The following CNTN4 variants were observed in gnomAD, a reference collection of about 807,000 sequenced individuals.
The protein encoded by CNTN4 is contactin 4, also known as contactin-4.
Under a neutral mutation model 122.5 loss-of-function variants are expected in CNTN4, and 77 were observed. That is an observed-to-expected ratio of 0.63 (90% CI 0.52 to 0.76). The LOEUF is 0.76. CNTN4 is among the 30% of genes least tolerant of loss of function. The pLI, the probability that CNTN4 is intolerant of heterozygous loss-of-function variation, is 0.00. For missense variants in CNTN4, 1,256 were observed against 1,259.1 expected, an observed-to-expected ratio of 1.00 and a Z score of 0.04; for synonymous variants, 512 against 447.0, an observed-to-expected ratio of 1.15 and a Z score of -1.83.
chr3:2,145,956 T>TTC (rs1317944319), intron 2 of CNTN4, among the ~76,000 whole-genome samples: 1 of 151,788 alleles, frequency 6.6e-6, no homozygotes, highest in African/African-American at 2.4e-5. Flanking sequence ...AGTTTTTTTT[T>TTC]TTTAAATGAA....
At chr3:2,258,772 C>G (rs1215733608) in intron 2 of CNTN4, among the ~76,000 whole-genome samples, 1 of 151,994 alleles carries the variant, frequency 6.6e-6, no homozygotes, top group African/African-American at 2.4e-5. Context: ...GAGTTCCTAA[C>G]CTTTTTATAT....
intron 6 of CNTN4, among the ~76,000 whole-genome samples, chr3:2,815,104 C>A (rs1447898087): frequency 1.3e-5 from 2 of 152,178 alleles, no homozygotes; most frequent in Non-Finnish European, 1.5e-5. Context: ...GGATTAAGGA[C>A]TTAAACCTAA....
chr3:2,654,015 C>T (rs904444159), intron 4 of CNTN4, among the ~76,000 whole-genome samples: 2 of 152,140 alleles, frequency 1.3e-5, no homozygotes, highest in Non-Finnish European at 2.9e-5. Flanking sequence ...GTTGTTAATT[C>T]TTTGTTTTGT....
chr3:2,170,479 T>C (rs1011589867), intron 2 of CNTN4, among the ~76,000 whole-genome samples: 6 of 152,314 alleles, frequency 3.9e-5, no homozygotes, highest in African/African-American at 1.4e-4. Flanking sequence ...AAGTGCTTGA[T>C]TGAAAAGTAA....
intron 2 of CNTN4, among the ~76,000 whole-genome samples, chr3:2,157,970 A>G (rs1404855034): frequency 2.0e-5 from 3 of 152,232 alleles, no homozygotes. Context: ...AGGAAGGACA[A>G]TTGCATTTGT....
At chr3:2,195,772 C>A (rs2037807003) in intron 2 of CNTN4, among the ~76,000 whole-genome samples, 1 of 152,286 alleles carries the variant, frequency 6.6e-6, no homozygotes, top group Admixed American at 6.5e-5. Context: ...GCTTGGCTTC[C>A]TAATATTTTA....
intron 2 of CNTN4, among the ~76,000 whole-genome samples, chr3:2,154,940 G>A (rs1038984348): frequency 1.3e-5 from 2 of 152,196 alleles, no homozygotes; most frequent in African/African-American, 4.8e-5. Flanking sequence ...AAATAGATTT[G>A]ATAGATGGCA....
rs1290205827 is a variant in CNTN4, at chr3:2,745,657, T to G, written c.318T>G (p.Phe106Leu). The change falls in exon 6 of 25, where the codon TTT (phenylalanine) becomes TTG (leucine). Residue 106 changes from phenylalanine to leucine, a missense_variant. Coordinates refer to ENST00000418658, the MANE Select transcript of CNTN4 (RefSeq NM_175607.3). ...ACCAGTGCACAGCGACAAACTCGTTTGGAACAATTGTTAGCAGAGAAGCAA... is the reference window on the plus strand; with the variant it reads ...ACCAGTGCACAGCGACAAACTCGTTGGGAACAATTGTTAGCAGAGAAGCAA... ...GTYQCTATNS[F>L]GTIVSREAKL... The G allele has an allele frequency of 1.6e-5, 26 of 1,614,038 alleles. No individual in the cohort carries two copies. Among genetic ancestry groups the G allele is most frequent in the Non-Finnish European group, 2.2e-5 (26 of 1,179,990 alleles).
intron 3 of CNTN4, among the ~76,000 whole-genome samples, chr3:2,510,125 A>G (rs373054442): frequency 4.6e-5 from 7 of 152,144 alleles, no homozygotes; most frequent in Non-Finnish European, 1.0e-4. Context: ...ACTGGCCCCT[A>G]AAGGTAACAA....
At chr3:3,004,753 A>G (rs1036753897) in intron 14 of CNTN4, among the ~76,000 whole-genome samples, 2 of 152,210 alleles carry the variant, frequency 1.3e-5, no homozygotes, top group Admixed American at 1.3e-4. Context: ...CAGCCCACCA[A>G]TGAGAACCCC....
intron 3 of CNTN4, among the ~76,000 whole-genome samples, chr3:2,342,515 C>T (rs1011093943): frequency 6.6e-6 from 1 of 152,170 alleles, no homozygotes; most frequent in Non-Finnish European, 1.5e-5. Flanking sequence ...CAAATCTCAT[C>T]TTGTAGTTCC....
intron 13 of CNTN4, among the ~76,000 whole-genome samples, chr3:2,944,825 C>T (rs879852091): frequency 6.6e-6 from 1 of 152,160 alleles, no homozygotes; most frequent in African/African-American, 2.4e-5. Flanking sequence ...GAGGATACAC[C>T]TGCAGGGAAG....
chr3:2,439,457 G>A (rs927146992), intron 3 of CNTN4, among the ~76,000 whole-genome samples: 4 of 151,938 alleles, frequency 2.6e-5, no homozygotes. Flanking sequence ...AAATCTGGAT[G>A]TTCTTCCCAC....
chr3:2,330,498 A>G (rs1486101760), intron 2 of CNTN4, among the ~76,000 whole-genome samples: 1 of 152,192 alleles, frequency 6.6e-6, no homozygotes, highest in Non-Finnish European at 1.5e-5. Flanking sequence ...CAGGGATTTT[A>G]GGAGTTCTGT....
At chr3:2,671,853 C>T (rs1026935600) in intron 4 of CNTN4, among the ~76,000 whole-genome samples, 19 of 152,160 alleles carry the variant, frequency 1.2e-4, no homozygotes, top group East Asian at 3.9e-4. Context: ...TGGAGTTTGC[C>T]GGAGGTCCAC....
At chr3:2,161,763 G>GC (rs1473065965) in intron 2 of CNTN4, among the ~76,000 whole-genome samples, 1 of 152,166 alleles carries the variant, frequency 6.6e-6, no homozygotes, top group Non-Finnish European at 1.5e-5. Context: ...AATACTAGGA[G>GC]CCAGTATAGT....
chr3:2,389,944 T>G (rs1484088125), intron 3 of CNTN4, among the ~76,000 whole-genome samples: 1 of 152,180 alleles, frequency 6.6e-6, no homozygotes, highest in Non-Finnish European at 1.5e-5. Flanking sequence ...CTTGAGGAAC[T>G]GTTCAAGATT....
At chr3:2,768,746 TAGTTA>T (rs952343902) in intron 6 of CNTN4, among the ~76,000 whole-genome samples, 40 of 152,234 alleles carry the variant, frequency 2.6e-4, no homozygotes, top group Middle Eastern at 3.2e-3. Context: ...AAATAACTAA[TAGTTA>T]AGTTGTCTAT....
intron 2 of CNTN4, among the ~76,000 whole-genome samples, chr3:2,286,362 T>A (rs904612228): frequency 3.3e-5 from 5 of 151,656 alleles, no homozygotes; most frequent in African/African-American, 1.2e-4. Context: ...CTCTTTTTTT[T>A]AAGTATATAG....
Sources: gnomAD v4.1 joint callset for allele counts (sites outside exome capture counted in the v4.1 genomes callset) on GRCh38, gnomAD v4.1.1 for gene constraint, MANE v1.5 for transcripts, NCBI Gene and HGNC (gene_info 2026-07-23, HGNC 2026-07-21) for gene names.